POLR3B: variants seen among roughly 807,000 people sequenced by gnomAD.
POLR3B encodes the protein DNA-directed RNA polymerase III subunit RPC2.
POLR3B carries 96 observed loss-of-function variants against 147.4 expected under a neutral mutation model. The observed-to-expected ratio is 0.65, with a 90% CI of 0.55 to 0.77. POLR3B has a LOEUF of 0.77. POLR3B is among the 30% of genes least tolerant of loss of function. The pLI, the probability that POLR3B is intolerant of heterozygous loss-of-function variation, is 0.00. For missense variants in POLR3B, 1,036 were observed against 1,413.5 expected (o/e 0.73, Z 4.28); for synonymous variants, 461 against 485.9 (o/e 0.95, Z 0.67).
chr12:106,483,087 G>A (rs556413083), intron 23 of POLR3B, among the ~76,000 whole-genome samples: 1 of 152,218 alleles, frequency 6.6e-6, no homozygotes, highest in African/African-American at 2.4e-5. Context: ...CTGGGAATTG[G>A]TTCCAGGACC....
At position 106,393,091 on chromosome 12, in the gene POLR3B, A is replaced by G. The variant is rs1046170983; in HGVS notation, c.784A>G (p.Met262Val). 1.2e-6 allele frequency: 2 copies of G among 1,614,100 alleles called. No individual in the cohort carries two copies. The highest frequency in any genetic ancestry group is 2.2e-5 in the East Asian group (1 of 44,894). ...GATGATTGGAACAGAGGAGCACGTG[A>G]TGGCTGCATTTGGGCCCAGTCTGGA... The part of the protein sequence containing the change: ...VQMIGTEEHV[M>V]AAFGPSLEEC... The change falls in exon 10 of 28, where the codon ATG (methionine) becomes GTG (valine). Residue 262 changes from methionine to valine, a missense_variant. Coordinates refer to ENST00000228347, the MANE Select transcript of POLR3B (RefSeq NM_018082.6).
chr12:106,408,403 C>T (rs1432417592), intron 11 of POLR3B, among the ~76,000 whole-genome samples: 1 of 152,150 alleles, frequency 6.6e-6, no homozygotes, highest in African/African-American at 2.4e-5. Context: ...ATTCCCTGGA[C>T]TAGTAGCATC....
At chr12:106,373,654 T>G (rs562391516) in intron 6 of POLR3B, among the ~76,000 whole-genome samples, 1 of 152,160 alleles carries the variant, frequency 6.6e-6, no homozygotes, top group South Asian at 2.1e-4. Context: ...CTTGAGAGAC[T>G]GAGGCATGAG....
At chr12:106,429,397 C>A (rs11112989) in intron 13 of POLR3B, among the ~76,000 whole-genome samples, 145 of 152,278 alleles carry the variant, frequency 9.5e-4, no homozygotes, top group African/African-American at 3.4e-3. Context: ...CCTCGGCCTC[C>A]CAAAGTGCTG....
chr12:106,477,600 A>G (rs1356210449), intron 23 of POLR3B, among the ~76,000 whole-genome samples: 8 of 152,026 alleles, frequency 5.3e-5, no homozygotes, highest in East Asian at 1.9e-4. Context: ...GAAAAGCGCA[A>G]TATTCAGGTG....
intron 19 of POLR3B, among the ~76,000 whole-genome samples, chr12:106,453,026 CT>C (rs770997629): frequency 2.2e-3 from 298 of 135,872 alleles, no homozygotes; most frequent in East Asian, 7.7e-3. Flanking sequence ...TTCTTTTCTT[CT>C]TTTTTTTTTT....
rs181714075 is a variant in POLR3B, at chr12:106,366,138, G to T, written c.106-378G>T. On this transcript the variant is annotated intron_variant, in intron 2 of 27. Coordinates refer to ENST00000228347, the MANE Select transcript of POLR3B (RefSeq NM_018082.6). The stretch of plus-strand genomic sequence containing the variant: ...CAAATCAAGTTGTAAGTCATTAGGC[G>T]ATAGGAATTTTTCAGCTCCATTATA... Among the ~76,000 whole-genome samples, 398 of 152,258 alleles carry T rather than the reference G, an allele frequency of 2.6e-3. 2 individuals carry two copies. The highest frequency in any genetic ancestry group is 4.1e-3 in the Non-Finnish European group (279 of 68,022).
In POLR3B at chr12:106,406,848, A is replaced by G. The variant is rs77758261; in HGVS notation, c.966+872A>G. ...TTATGGAATTATTATTTGTTAGACT[A>G]TCTTGTTAACTAAATAGTCTGGTTT... On this transcript the variant is annotated intron_variant, in intron 11 of 27. Transcript: ENST00000228347. 6.6e-3 allele frequency among the ~76,000 whole-genome samples: 999 copies of G among 152,306 alleles called. 13 individuals carry two copies. The highest frequency in any genetic ancestry group is 0.022 in the African/African-American group (918 of 41,554).
chr12:106,451,667 A>G, intron 19 of POLR3B, among the ~76,000 whole-genome samples: 2 of 147,684 alleles, frequency 1.4e-5, no homozygotes, highest in Admixed American at 6.8e-5. Context: ...AGGAGAGGGG[A>G]GGAAATTTGG....
At chr12:106,468,243 G>A (rs2137041794) in intron 23 of POLR3B, among the ~76,000 whole-genome samples, 1 of 152,316 alleles carries the variant, frequency 6.6e-6, no homozygotes, top group East Asian at 1.9e-4. Flanking sequence ...TTACATAGAG[G>A]TGTTTATAAT....
At chr12:106,429,610 AGAT>A (rs1593036655) in intron 13 of POLR3B, among the ~76,000 whole-genome samples, 1 of 152,142 alleles carries the variant, frequency 6.6e-6, no homozygotes, top group Non-Finnish European at 1.5e-5. Flanking sequence ...ATGCATAAGA[AGAT>A]AAAGTAAATT....
At chr12:106,477,134 G>T (rs1332680162) in intron 23 of POLR3B, among the ~76,000 whole-genome samples, 4 of 141,002 alleles carry the variant, frequency 2.8e-5, no homozygotes, top group East Asian at 2.0e-4. Context: ...GCCTTGTGAG[G>T]TGTCAGTGTG....
chr12:106,403,468 C>T (rs1298642805), intron 10 of POLR3B, among the ~76,000 whole-genome samples: 16 of 151,586 alleles, frequency 1.1e-4, no homozygotes, highest in South Asian at 6.3e-4. Flanking sequence ...GGGTATATAC[C>T]CAAAGGATTA....
intron 9 of POLR3B, among the ~76,000 whole-genome samples, chr12:106,382,323 C>A (rs1436567243): frequency 6.6e-6 from 1 of 152,192 alleles, no homozygotes; most frequent in African/African-American, 2.4e-5. Flanking sequence ...CTTCTTCAGG[C>A]TGAATAGGAA....
intron 2 of POLR3B, among the ~76,000 whole-genome samples, chr12:106,365,097 T>G (rs903061076): frequency 2.0e-5 from 3 of 152,096 alleles, no homozygotes; most frequent in African/African-American, 7.2e-5. Flanking sequence ...ATCGCGCCAC[T>G]GCACTGCAGC....
intron 23 of POLR3B, 60 bp from the exon 24 acceptor site, chr12:106,495,995 T>C: frequency 1.1e-6 from 1 of 940,944 alleles, no homozygotes; most frequent in South Asian, 1.3e-5. Flanking sequence ...CCCAATTAAG[T>C]ACTGTATTCT....
intron 19 of POLR3B, among the ~76,000 whole-genome samples, chr12:106,451,054 T>C (rs188462135): frequency 6.6e-6 from 1 of 152,172 alleles, no homozygotes; most frequent in Non-Finnish European, 1.5e-5. Context: ...AGGATCATTA[T>C]GCTAAATAAG....
At chr12:106,457,321 T>A (rs773456738) in intron 21 of POLR3B, 25 bp downstream of exon 21, 14 of 1,573,164 alleles carry the variant, frequency 8.9e-6, no homozygotes, top group Admixed American at 1.7e-5. Flanking sequence ...AAAGAAAAAA[T>A]TTTAATACTT....
chr12:106,469,777 G>A (rs578189836), intron 23 of POLR3B, among the ~76,000 whole-genome samples: 13 of 152,270 alleles, frequency 8.5e-5, no homozygotes, highest in Admixed American at 3.9e-4. Context: ...GAATATTGGC[G>A]CCTACTCTCT....
Sources: gnomAD v4.1 joint callset for allele counts (sites outside exome capture counted in the v4.1 genomes callset) on GRCh38, gnomAD v4.1.1 for gene constraint, MANE v1.5 for transcripts, NCBI Gene and HGNC (gene_info 2026-07-23, HGNC 2026-07-21) for gene names.